Variants in RAB44 observed in about 807,000 individuals in gnomAD.
The protein encoded by RAB44 is ras-related protein Rab-44.
RAB44 carries 67 observed loss-of-function variants against 93.3 expected under a neutral mutation model. The ratio of observed to expected loss-of-function variants is 0.72; its 90% CI spans 0.59 to 0.88. The LOEUF (loss-of-function observed/expected upper bound fraction) is 0.88, where lower values mean the gene tolerates loss of function less well. RAB44 is among the 40% of genes least tolerant of loss of function. The pLI is 0.00. For missense variants in RAB44, 1,064 were observed against 1,261.7 expected, an observed-to-expected ratio of 0.84 and a Z score of 2.37; for synonymous variants, 427 against 520.3, an observed-to-expected ratio of 0.82 and a Z score of 2.44.
At chr6:36,706,296 A>C (rs1762649020) in intron 2 of RAB44, among the ~76,000 whole-genome samples, 1 of 152,184 alleles carries the variant, frequency 6.6e-6, no homozygotes, top group Admixed American at 6.5e-5. Flanking sequence ...TGGGACTTCG[A>C]GTGCTAAAAT....
At position 36,716,425 on chromosome 6, in the gene RAB44, G is replaced by A. The variant is rs139813535; in HGVS notation, c.494+772G>A. Among the ~76,000 whole-genome samples the A allele has an allele frequency of 1.9e-3, 282 of 149,460 alleles. 1 individual carries two copies. The highest frequency in any genetic ancestry group is 6.5e-3 in the African/African-American group (262 of 40,404). ...GCGGATGTTGCAGTGAGCTGAGATC[G>A]CGCCACTGCACTCCAGCCTGGGTGA... On this transcript the variant is annotated intron_variant, in intron 4 of 13. Coordinates refer to ENST00000612677, the MANE Select transcript of RAB44 (RefSeq NM_001257357.2).
At chr6:36,702,294 GA>G (rs1342086844) in intron 1 of RAB44, among the ~76,000 whole-genome samples, 38 of 7,346 alleles carry the variant, frequency 5.2e-3, no homozygotes, top group Admixed American at 0.02. Flanking sequence ...TTCGAAGGGG[GA>G]GAGAGAGAGA....
chr6:36,709,746 AG>A (rs1341261886), intron 2 of RAB44, among the ~76,000 whole-genome samples: 1 of 151,886 alleles, frequency 6.6e-6, no homozygotes, highest in African/African-American at 2.4e-5. Flanking sequence ...TAGTAGAGAC[AG>A]GGTTTCACCA....
intron 3 of RAB44, among the ~76,000 whole-genome samples, chr6:36,715,118 T>TATATA (rs1562058557): frequency 6.6e-6 from 1 of 151,622 alleles, no homozygotes; most frequent in African/African-American, 2.4e-5. Flanking sequence ...TATATATATA[T>TATATA]TCTTTTCAAC....
At chr6:36,716,724 T>C (rs114111345) in intron 4 of RAB44, among the ~76,000 whole-genome samples, 2,569 of 149,536 alleles carry the variant, frequency 0.017, 65 homozygotes, top group African/African-American at 0.055. Flanking sequence ...GGTGGGGAGC[T>C]TTGTATTCAT....
At position 36,704,267 on chromosome 6, in the gene RAB44, T is replaced by G. The variant is rs1762584437; in HGVS notation, c.32T>G (p.Val11Gly). Residue 11 changes from valine to glycine, a missense_variant, in exon 2 of 14, where the codon GTC (valine) becomes GGC (glycine). By Grantham distance (109) the Val-to-Gly change is moderately radical (BLOSUM62 -3). Transcript: ENST00000612677. ...ACTGGACAGAGAACATCTCGAAAAG[T>G]CCGGAAGCTGGGCTCCAACCGGCGG... Reference protein sequence around the residue: METGQRTSRKVRKLGSNRRRQ... With the variant: METGQRTSRKGRKLGSNRRRQ... The G allele has an allele frequency of 3.3e-6, 5 of 1,535,974 alleles. No individual in the cohort carries two copies. The East Asian group carries it at 1.2e-4, about 38-fold the overall frequency.
chr6:36,719,268 CCT>C (rs1763009828), intron 7 of RAB44, among the ~76,000 whole-genome samples: 1 of 152,222 alleles, frequency 6.6e-6, no homozygotes, highest in Admixed American at 6.5e-5. Context: ...CTCGAGCCGT[CCT>C]CACCACGGCC....
chr6:36,724,652 T>C (rs28649823), intron 9 of RAB44, among the ~76,000 whole-genome samples: 6 of 148,806 alleles, frequency 4.0e-5, no homozygotes, highest in African/African-American at 1.2e-4. Context: ...AACCAACCAA[T>C]CAACCAACCA....
In RAB44 at chr6:36,722,089, C is replaced by T; in HGVS notation, c.1955C>T (p.Ala652Val). The T allele has an allele frequency of 1.6e-6, 2 of 1,235,300 alleles. No individual in the cohort carries two copies. Among genetic ancestry groups the T allele is most frequent in the Non-Finnish European group, 2.0e-6 (2 of 988,920 alleles). The allele number at this position is 1,235,300 out of a possible 1,614,324, so 76.5% of individuals were successfully genotyped here. ...GGCCTTCCTGAGGGGCTAAGAGAAG[C>T]TCATGGCCAGGTCCTTGGGCTGGGT... ...QEGLPEGLRE[A>V]HGQVLGLGEL... Residue 652 changes from alanine (A) to valine (V), a missense_variant, in exon 9 of 14, where the codon GCT becomes GTT. Ala to Val is a moderately conservative substitution (Grantham distance 64). Coordinates refer to ENST00000612677, the MANE Select transcript of RAB44 (RefSeq NM_001257357.2).
At chr6:36,729,554 C>T (rs192637645) in intron 12 of RAB44, among the ~76,000 whole-genome samples, 3 of 150,474 alleles carry the variant, frequency 2.0e-5, no homozygotes, top group Admixed American at 6.7e-5. Context: ...ACGATCTTGG[C>T]TCATTGCAAC....
chr6:36,705,128 G>A (rs9357224), intron 2 of RAB44, among the ~76,000 whole-genome samples: 18,761 of 122,404 alleles, frequency 0.15, 1,351 homozygotes, highest in African/African-American at 0.24. Context: ...AAAAAAAAAA[G>A]AAGAATGAGG....
chr6:36,712,860 A>G (rs1328446151), intron 2 of RAB44, among the ~76,000 whole-genome samples: 1 of 152,212 alleles, frequency 6.6e-6, no homozygotes, highest in Admixed American at 6.5e-5. Flanking sequence ...GCTGCCACCA[A>G]TGGGGAATAA....
chr6:36,722,072 T>C lies in RAB44; in HGVS notation c.1938T>C (p.Pro646=). The change falls in exon 9 of 14, where the codon CCT becomes CCC. Residue 646 remains proline (P), a synonymous_variant. Transcript: ENST00000612677. ...GCCCAGCGGTGCAGGAGGGCCTTCCTGAGGGGCTAAGAGAAGCTCATGGCC... is the reference window on the plus strand; with the variant it reads ...GCCCAGCGGTGCAGGAGGGCCTTCCCGAGGGGCTAAGAGAAGCTCATGGCC... The part of the protein sequence containing the change: ...QAGPAVQEGL[P]EGLREAHGQV... 1.6e-6 allele frequency: 2 copies of C among 1,227,312 alleles called. No homozygotes were observed. The highest frequency in any genetic ancestry group is 2.0e-6 in the Non-Finnish European group (2 of 988,350). The allele number at this position is 1,227,312 out of a possible 1,614,324, so 76.0% of individuals were successfully genotyped here.
At chr6:36,726,016 C>A in intron 10 of RAB44, 73 bp downstream of exon 10, 2 of 1,196,746 alleles carry the variant, frequency 1.7e-6, no homozygotes, top group Non-Finnish European at 2.4e-6. Context: ...AGGGAGCAGC[C>A]CTAATAACAC....
intron 11 of RAB44, 106 bp from the exon 12 acceptor site, chr6:36,728,573 GGTTATGGAGTGGATGTGGCCT>G: frequency 1.4e-6 from 1 of 708,182 alleles, no homozygotes; most frequent in Middle Eastern, 2.4e-4. Context: ...CAGGTGAGAA[GGTTATGGAGTGGATGTGGCCT>G]GGGAGGGGGA....
intron 2 of RAB44, among the ~76,000 whole-genome samples, chr6:36,711,854 G>A (rs1217217065): frequency 6.7e-6 from 1 of 150,132 alleles, no homozygotes; most frequent in Non-Finnish European, 1.5e-5. Flanking sequence ...AGTGAGCCAA[G>A]ATTGCGCCAC....
Position 36,718,482 on chromosome 6 carries a change from C to T in RAB44, c.733-11C>T, listed in dbSNP as rs2150334976. 8.3e-7 allele frequency: 1 copy of T among 1,211,344 alleles called. No homozygotes were observed. The highest frequency in any genetic ancestry group is 1.6e-5 in the African/African-American group (1 of 64,332). 75.0% of individuals were successfully genotyped at this position (1,211,344 alleles called of 1,614,324 possible). ...TCTGCAGGGTGAGGGCTGAATCTACCTACTCCACAGAGCGACTCTCGGGGC... is the reference window on the plus strand; with the variant it reads ...TCTGCAGGGTGAGGGCTGAATCTACTTACTCCACAGAGCGACTCTCGGGGC... On this transcript the variant is annotated splice_polypyrimidine_tract_variant and intron_variant, in intron 6 of 13. Transcript: ENST00000612677.
Position 36,721,939 on chromosome 6 carries a change from T to TG in RAB44, c.1809dup (p.Thr604AspfsTer5). The TG allele has an allele frequency of 8.1e-7, 1 of 1,234,590 alleles. No homozygotes were observed. Among genetic ancestry groups the TG allele is most frequent in the African/African-American group, 1.5e-5 (1 of 64,624 alleles). The allele number at this position is 1,234,590 out of a possible 1,614,324, so 76.5% of individuals were successfully genotyped here. A position where few individuals can be genotyped will look rare whatever the true frequency, so the allele number is the denominator to read the frequency against. On this transcript the variant is annotated frameshift_variant, in exon 9 of 14. Coordinates refer to ENST00000612677, the MANE Select transcript of RAB44 (RefSeq NM_001257357.2). LOFTEE classifies it high-confidence loss of function. ...CATGCCACTGGCTCTGAGCCAAGAC[T>TG]GGGGACCCAGAGGGCTAGAGCCCTC...
In RAB44 at chr6:36,722,380, G is replaced by A; in HGVS notation, c.2246G>A (p.Gly749Glu). Reference protein sequence around the residue: ...SAPPRGSPPRGAQPGAGAGPQ... With the variant: ...SAPPRGSPPREAQPGAGAGPQ... ...CCTCCAAGGGGCTCTCCTCCCAGGG[G>A]GGCTCAGCCTGGGGCTGGAGCAGGA... Residue 749 changes from glycine to glutamate, a missense_variant, in exon 9 of 14, where the codon GGG becomes GAG. Coordinates refer to ENST00000612677, the MANE Select transcript of RAB44 (RefSeq NM_001257357.2). The A allele has an allele frequency of 1.5e-6, 2 of 1,367,078 alleles. No homozygotes were observed. Among genetic ancestry groups the A allele is most frequent in the Non-Finnish European group, 1.9e-6 (2 of 1,061,750 alleles). The allele number at this position is 1,367,078 out of a possible 1,614,324, so 84.7% of individuals were successfully genotyped here. A position where few individuals can be genotyped will look rare whatever the true frequency, so the allele number is the denominator to read the frequency against.
Sources: gnomAD v4.1 joint callset for allele counts (sites outside exome capture counted in the v4.1 genomes callset) on GRCh38, gnomAD v4.1.1 for gene constraint, MANE v1.5 for transcripts, NCBI Gene and HGNC (gene_info 2026-07-23, HGNC 2026-07-21) for gene names.